Variants in CSMD1 observed in about 807,000 individuals in gnomAD.
CSMD1 encodes CUB and Sushi multiple domains 1.
A neutral mutation model predicts 417.5 loss-of-function variants in CSMD1; 213 were observed. The ratio of observed to expected loss-of-function variants is 0.51; its 90% confidence interval spans 0.46 to 0.57. CSMD1 has a LOEUF of 0.57. Among genes scored for constraint, CSMD1 ranks in the 20% least tolerant of loss-of-function variants. CSMD1 has a pLI of 0.00. For missense variants in CSMD1, 6,923 were observed against 4,529.7 expected (o/e 1.53, Z -15.17); for synonymous variants, 2,862 against 1,736.8 (o/e 1.65, Z -16.11).
At chr8:3,986,094 G>C (rs779035457) in intron 5 of CSMD1, among the ~76,000 whole-genome samples, 1 of 151,894 alleles carries the variant, frequency 6.6e-6, no homozygotes, top group African/African-American at 2.4e-5. Flanking sequence ...GATCTCGTTC[G>C]TATCTGGGAG....
At chr8:4,796,905 C>T (rs1208766319) in intron 1 of CSMD1, among the ~76,000 whole-genome samples, 2 of 152,158 alleles carry the variant, frequency 1.3e-5, no homozygotes, top group Non-Finnish European at 2.9e-5. Context: ...GCTATGGACA[C>T]ATTAGGTCTC....
chr8:3,727,298 C>T (rs948535423), intron 6 of CSMD1, among the ~76,000 whole-genome samples: 5 of 152,194 alleles, frequency 3.3e-5, no homozygotes, highest in African/African-American at 7.2e-5. Flanking sequence ...AGGCAGTCAG[C>T]TCATCTGCAG....
At chr8:4,601,667 C>T (rs1476701478) in intron 2 of CSMD1, among the ~76,000 whole-genome samples, 1 of 152,152 alleles carries the variant, frequency 6.6e-6, no homozygotes, top group East Asian at 1.9e-4. Context: ...AATTATTTCT[C>T]CATACCCCTC....
Position 3,688,512 on chromosome 8 carries a change from G to C in CSMD1, c.1009+19902C>G, listed in dbSNP as rs950226400. ...TGAGGAAATGTAGTTATAATGAAAA[G>C]TTACTCTTTATCACATGTGCAAAAC... On this transcript the variant is annotated intron_variant, in intron 7 of 69. Coordinates refer to ENST00000635120, the MANE Select transcript of CSMD1 (RefSeq NM_033225.6). Among the ~76,000 whole-genome samples, 6 of 152,282 alleles carry C rather than the reference G, an allele frequency of 3.9e-5. No homozygotes were observed. In the East Asian group the frequency reaches 1.2e-3, roughly 29 times the overall value.
chr8:3,193,760 T>A (rs1006543286), intron 33 of CSMD1, among the ~76,000 whole-genome samples: 1 of 152,132 alleles, frequency 6.6e-6, no homozygotes, highest in Non-Finnish European at 1.5e-5. Flanking sequence ...CGCTCTCCTC[T>A]GGGGCTTTGA....
rs139657861 is a variant in CSMD1, at chr8:4,307,675, T to G, written c.415+112278A>C. On this transcript the variant is annotated intron_variant, in intron 3 of 69. Coordinates refer to ENST00000635120, the MANE Select transcript of CSMD1 (RefSeq NM_033225.6). ...ATGGGAAATGGGTTAAAATACAAAT[T>G]TGTTGGTGACTTTGCAAACGAACAG... 3.6e-3 allele frequency among the ~76,000 whole-genome samples: 551 copies of G among 152,240 alleles called. 2 individuals are homozygous for G. Among genetic ancestry groups the G allele is most frequent in the African/African-American group, 0.012 (510 of 41,526 alleles).
chr8:3,506,982 T>C lies in CSMD1; in HGVS notation c.1345-13256A>G, dbSNP rs541660606. Among the ~76,000 whole-genome samples the C allele has an allele frequency of 4.5e-3, 683 of 152,348 alleles. 5 individuals carry two copies. The highest frequency in any genetic ancestry group is 0.014 in the Middle Eastern group (4 of 294). Reference sequence around the variant, plus strand: ...TAGGAAGTTTTGCTTATCTTTGATATAGAGTTTCTAATATACATTTTCATA... The same window carrying C: ...TAGGAAGTTTTGCTTATCTTTGATACAGAGTTTCTAATATACATTTTCATA... On this transcript the variant is annotated intron_variant, in intron 10 of 69. Transcript: ENST00000635120.
chr8:3,299,637 A>G (rs1288806606), intron 25 of CSMD1, among the ~76,000 whole-genome samples: 2 of 152,150 alleles, frequency 1.3e-5, no homozygotes, highest in Non-Finnish European at 2.9e-5. Context: ...GCTCTTGTCC[A>G]GCCAAGAGAA....
intron 5 of CSMD1, among the ~76,000 whole-genome samples, chr8:3,979,025 G>A (rs970050184): frequency 2.6e-5 from 4 of 152,196 alleles, no homozygotes; most frequent in Non-Finnish European, 4.4e-5. Context: ...CAAAGATGCT[G>A]CACAACACCT....
intron 4 of CSMD1, among the ~76,000 whole-genome samples, chr8:4,006,989 G>A (rs1443945780): frequency 1.3e-5 from 2 of 151,640 alleles, no homozygotes; most frequent in Non-Finnish European, 2.9e-5. Context: ...CACCACACCC[G>A]GCTAATTTTT....
At chr8:4,850,398 T>TG (rs1366702500) in intron 1 of CSMD1, among the ~76,000 whole-genome samples, 7 of 150,044 alleles carry the variant, frequency 4.7e-5, no homozygotes, top group African/African-American at 1.5e-4. Context: ...TTTTTTTTTT[T>TG]TTTTTTTGCT....
chr8:4,756,095 C>A (rs1156603393), intron 1 of CSMD1, among the ~76,000 whole-genome samples: 1 of 152,058 alleles, frequency 6.6e-6, no homozygotes, highest in African/African-American at 2.4e-5. Context: ...ATGTATGTTC[C>A]AAAAAATTCT....
intron 12 of CSMD1, among the ~76,000 whole-genome samples, chr8:3,410,751 T>A (rs377678091): frequency 4.6e-5 from 7 of 152,136 alleles, no homozygotes; most frequent in African/African-American, 1.4e-4. Context: ...AAATTATTAT[T>A]TTTTTGAGAC....
At chr8:3,917,188 C>G (rs144142329) in intron 5 of CSMD1, among the ~76,000 whole-genome samples, 117 of 152,284 alleles carry the variant, frequency 7.7e-4, no homozygotes, top group South Asian at 2.1e-3. Flanking sequence ...TTATGGAGCG[C>G]TTAATCTCAG....
chr8:4,420,116 A>G, intron 2 of CSMD1, 51 bp from the exon 3 acceptor site: 2 of 1,346,184 alleles, frequency 1.5e-6, no homozygotes, highest in Non-Finnish European at 2.1e-6. Context: ...GAATTTGTCA[A>G]AAAAAGCTTA....
chr8:4,085,722 A>T (rs1179543015), intron 3 of CSMD1, among the ~76,000 whole-genome samples: 2 of 152,192 alleles, frequency 1.3e-5, no homozygotes, highest in Admixed American at 1.3e-4. Context: ...AACATTCTGG[A>T]AATGACCTAA....
chr8:4,710,948 C>T (rs1162577806), intron 1 of CSMD1, among the ~76,000 whole-genome samples: 1 of 151,918 alleles, frequency 6.6e-6, no homozygotes, highest in Non-Finnish European at 1.5e-5. Flanking sequence ...CATGCCCTAT[C>T]CTGAGACAAA....
intron 5 of CSMD1, among the ~76,000 whole-genome samples, chr8:3,995,789 G>C (rs150701693): frequency 1.3e-5 from 2 of 152,220 alleles, no homozygotes; most frequent in South Asian, 4.1e-4. Flanking sequence ...CTCTATCCCC[G>C]GCTAATCATG....
chr8:3,578,929 A>G (rs1800264991), intron 9 of CSMD1, among the ~76,000 whole-genome samples: 1 of 152,250 alleles, frequency 6.6e-6, no homozygotes, highest in African/African-American at 2.4e-5. Context: ...CATCGTGGAT[A>G]TCTGTAGACG....
Sources: allele counts gnomAD v4.1 joint callset (sites outside exome capture counted in the v4.1 genomes callset), GRCh38; gene constraint gnomAD v4.1.1; transcripts MANE v1.5; gene names NCBI Gene and HGNC (gene_info 2026-07-23, HGNC 2026-07-21).